Variants in SEC23A observed in about 807,000 individuals in gnomAD.
SEC23A encodes protein transport protein Sec23A.
SEC23A carries 56 observed loss-of-function variants against 103.7 expected under a neutral mutation model. The ratio of observed to expected loss-of-function variants is 0.54; its 90% confidence interval spans 0.44 to 0.67. The LOEUF (loss-of-function observed/expected upper bound fraction) is 0.67, where lower values mean the gene tolerates loss of function less well. Ranked by LOEUF, SEC23A falls within the 30% of genes least tolerant of loss-of-function variation. The pLI is 0.00. For synonymous variants in SEC23A, 281 were observed against 293.0 expected, an observed-to-expected ratio of 0.96 and a Z score of 0.42; for missense variants, 784 against 936.4, an observed-to-expected ratio of 0.84 and a Z score of 2.12.
rs1436573002 is a variant in SEC23A at position 39,055,283 on chromosome 14, G to A, written c.1519C>T (p.Gln507Ter). ...GCAGCAATGTTTTGGATTTGAGTTT[G>A]AGCATCTGCCCAGCTGAAGACAATA... Reference protein sequence around the residue: ...TTIARNWADAQTQIQNIAASF... With the variant: ...TTIARNWADA Residue 507 changes from glutamine (Q) to a stop codon, truncating the protein, a stop_gained, in exon 14 of 20, where the codon CAA (glutamine) becomes TAA (stop). Transcript: ENST00000307712. LOFTEE classifies it high-confidence loss of function. 6.2e-7 allele frequency: 1 copy of A among 1,614,070 alleles called. No individual in the cohort carries two copies. Among genetic ancestry groups the A allele is most frequent in the East Asian group, 2.2e-5 (1 of 44,882 alleles).
At chr14:39,099,216 T>C (rs1449681073) in intron 1 of SEC23A, among the ~76,000 whole-genome samples, 2 of 141,274 alleles carry the variant, frequency 1.4e-5, no homozygotes, top group East Asian at 4.5e-4. Flanking sequence ...TGGAGTGCAG[T>C]GGGGCAATCT....
intron 2 of SEC23A, 112 bp from the exon 3 acceptor site, chr14:39,093,356 G>T: frequency 1.2e-6 from 1 of 829,090 alleles, no homozygotes; most frequent in African/African-American, 1.7e-5. Flanking sequence ...TATTCAAATT[G>T]ATAGTCAAAG....
At chr14:39,064,729 T>C (rs1296029460) in intron 11 of SEC23A, 184 bp downstream of exon 11, 4 of 618,828 alleles carry the variant, frequency 6.5e-6, no homozygotes, top group African/African-American at 1.9e-5. Flanking sequence ...GCGTTCGCTG[T>C]GTCTTTTTTT....
At chr14:39,102,591 G>A (rs1443685482) in intron 1 of SEC23A, among the ~76,000 whole-genome samples, 1 of 152,216 alleles carries the variant, frequency 6.6e-6, no homozygotes, top group Admixed American at 6.5e-5. Context: ...TCTTTACCAA[G>A]CTCTTTTCCC....
intron 15 of SEC23A, among the ~76,000 whole-genome samples, chr14:39,048,275 T>C (rs371729601): frequency 6.6e-6 from 1 of 152,070 alleles, no homozygotes; most frequent in African/African-American, 2.4e-5. Flanking sequence ...ATAGATACCA[T>C]AAAAAGAGCA....
In SEC23A at chr14:39,091,633, TTCTTTCAGGGCTTGTAAA is replaced by T; in HGVS notation, c.429_446del (p.Asp143_Lys148del). On this transcript the variant is annotated inframe_deletion, in exon 5 of 20. Coordinates refer to ENST00000307712, the MANE Select transcript of SEC23A (RefSeq NM_006364.4). ...AAAGACTTAATGACATCTGCATGGA[TTCTTTCAGGGCTTGTAAA>T]TCTTCATCTTCCATGCAAGTATCAA... 6.2e-7 allele frequency: 1 copy of T among 1,614,042 alleles called. No homozygotes were observed. The highest frequency in any genetic ancestry group is 8.5e-7 in the Non-Finnish European group (1 of 1,179,950).
intron 14 of SEC23A, among the ~76,000 whole-genome samples, chr14:39,050,080 T>C (rs1330765350): frequency 6.6e-6 from 1 of 152,124 alleles, no homozygotes; most frequent in African/African-American, 2.4e-5. Context: ...AAACAATTTT[T>C]TGAACACCTG....
At chr14:39,100,977 G>A (rs1011063513) in intron 1 of SEC23A, among the ~76,000 whole-genome samples, 2 of 151,894 alleles carry the variant, frequency 1.3e-5, no homozygotes, top group Middle Eastern at 6.8e-3. Flanking sequence ...CCCAGTAGCT[G>A]GGATTACAGG....
intron 1 of SEC23A, among the ~76,000 whole-genome samples, chr14:39,099,992 A>C (rs181598898): frequency 6.6e-6 from 1 of 152,274 alleles, no homozygotes; most frequent in African/African-American, 2.4e-5. Context: ...AGACATTCAC[A>C]CACAGACAAT....
intron 5 of SEC23A, among the ~76,000 whole-genome samples, chr14:39,089,919 G>A (rs1247233315): frequency 2.0e-5 from 3 of 152,236 alleles, no homozygotes. Context: ...TTGTGCCAAT[G>A]CAGTCCAGCC....
intron 7 of SEC23A, 78 bp downstream of exon 7, chr14:39,085,684 A>C (rs544831549): frequency 1.4e-6 from 1 of 728,288 alleles, no homozygotes; most frequent in African/African-American, 2.1e-5. Flanking sequence ...CCTTATAATT[A>C]TATATACACA....
chr14:39,093,997 C>G (rs1887753342), intron 2 of SEC23A, among the ~76,000 whole-genome samples: 1 of 151,518 alleles, frequency 6.6e-6, no homozygotes, highest in South Asian at 2.1e-4. Context: ...AGACAAAAGA[C>G]AAGCAGATGC....
At chr14:39,078,572 C>T (rs1887118995) in intron 7 of SEC23A, among the ~76,000 whole-genome samples, 1 of 152,176 alleles carries the variant, frequency 6.6e-6, no homozygotes, top group South Asian at 2.1e-4. Context: ...AGAAAGCAGG[C>T]CATCTGCCTG....
In SEC23A at chr14:39,055,226, T is replaced by A. The variant is rs1318773491; in HGVS notation, c.1576A>T (p.Met526Leu). 3 of 1,614,180 alleles carry A rather than the reference T, an allele frequency of 1.9e-6. No homozygotes were observed. Among genetic ancestry groups the A allele is most frequent in the Non-Finnish European group, 1.7e-6 (2 of 1,180,028 alleles). ...GCTCTATATATTGCTAGCCGGGCCA[T>A]AAGAATGGCAGCTGCCTCCTGGTCA... ...SFDQEAAAIL[M>L]ARLAIYRAET... is the part of the protein sequence containing the mutation. Residue 526 changes from methionine to leucine, a missense_variant, in exon 14 of 20, where the codon ATG becomes TTG. Physicochemically the swap from Met to Leu is conservative, Grantham distance 15. Coordinates refer to ENST00000307712, the MANE Select transcript of SEC23A (RefSeq NM_006364.4).
chr14:39,061,731 T>C (rs1356490884), intron 13 of SEC23A, 34 bp downstream of exon 13: 1 of 1,436,218 alleles, frequency 7.0e-7, no homozygotes, highest in African/African-American at 1.4e-5. Context: ...ATACCTGTGA[T>C]ATGAAAATCA....
intron 7 of SEC23A, among the ~76,000 whole-genome samples, chr14:39,077,504 T>C (rs1887076435): frequency 6.6e-6 from 1 of 150,922 alleles, no homozygotes; most frequent in Middle Eastern, 3.2e-3. Context: ...ATTGTGCCAC[T>C]GCACTCCAGC....
intron 18 of SEC23A, chr14:39,040,460 T>A: frequency 2.1e-6 from 1 of 471,552 alleles, no homozygotes. Context: ...CCAAAGCTAG[T>A]ATACCACCAC....
chr14:39,098,479 T>TA (rs1182232425), intron 1 of SEC23A, among the ~76,000 whole-genome samples: 4 of 151,954 alleles, frequency 2.6e-5, no homozygotes, highest in South Asian at 4.2e-4. Flanking sequence ...AAATTAAAAA[T>TA]AAAAAAAATT....
intron 14 of SEC23A, among the ~76,000 whole-genome samples, chr14:39,049,796 ATT>A (rs111327005): frequency 6.9e-6 from 1 of 145,968 alleles, no homozygotes; most frequent in African/African-American, 2.5e-5. Flanking sequence ...GAAAAAAACA[ATT>A]TTTTTTTTTT....
Sources: gnomAD v4.1 joint callset for allele counts (sites outside exome capture counted in the v4.1 genomes callset) on GRCh38, gnomAD v4.1.1 for gene constraint, MANE v1.5 for transcripts, NCBI Gene and HGNC (gene_info 2026-07-23, HGNC 2026-07-21) for gene names.